The following MYH6 variants were observed in gnomAD, a reference collection of about 807,000 sequenced individuals.
The protein encoded by MYH6 is myosin-6.
MYH6 carries 126 observed loss-of-function variants against 223.2 expected under a neutral mutation model. The ratio of observed to expected loss-of-function variants is 0.56; its 90% CI spans 0.49 to 0.65. MYH6 has a LOEUF of 0.65. Among genes scored for constraint, MYH6 ranks in the 30% least tolerant of loss-of-function variants. MYH6 has a pLI of 0.00. For missense variants in MYH6, 2,040 were observed against 2,536.4 expected (o/e 0.80, Z 4.20); for synonymous variants, 978 against 1,010.2 (o/e 0.97, Z 0.61).
At position 23,385,967 on chromosome 14, in the gene MYH6, C is replaced by T; in HGVS notation, c.5124G>A (p.Leu1708=). The T allele has an allele frequency of 1.2e-6, 2 of 1,614,228 alleles. No homozygotes were observed. Among genetic ancestry groups the T allele is most frequent in the Middle Eastern group, 1.6e-4 (1 of 6,062 alleles). The change falls in exon 34 of 39, where the codon CTG becomes CTA. Residue 1708 remains leucine, a synonymous_variant. Transcript: ENST00000405093. ...ERSRKLAEQE[L]IETSERVQLL... is the part of the protein sequence containing the mutation. The stretch of plus-strand genomic sequence containing the variant: ...GCTGCACCCGCTCGCTGGTCTCAAT[C>T]AGCTCCTGCTCCGCCAGCTTCCGGG...
chr14:23,403,537 C>A (rs1171419417), intron 9 of MYH6, 91 bp from the exon 10 acceptor site: 2 of 1,239,932 alleles, frequency 1.6e-6, no homozygotes, highest in Admixed American at 3.4e-5. Flanking sequence ...GCAGGGGGCA[C>A]CCACAGCTTG....
chr14:23,398,104 G>A (rs1317939085), intron 15 of MYH6, among the ~76,000 whole-genome samples: 8 of 151,574 alleles, frequency 5.3e-5, no homozygotes, highest in South Asian at 2.1e-4. Flanking sequence ...TGCAACCTCC[G>A]TCGCCCGGAT....
At chr14:23,395,017 A>G (rs1158218421) in intron 20 of MYH6, among the ~76,000 whole-genome samples, 3 of 152,198 alleles carry the variant, frequency 2.0e-5, no homozygotes, top group Admixed American at 6.5e-5. Context: ...GGTGCCTGCC[A>G]CCATGCCCAG....
intron 14 of MYH6, 109 bp downstream of exon 14, chr14:23,400,147 A>C: frequency 6.6e-7 from 1 of 1,523,054 alleles, no homozygotes; most frequent in Non-Finnish European, 9.1e-7. Flanking sequence ...GGCCTGGAGA[A>C]AGGCCTGGGA....
In MYH6 at chr14:23,390,281, C is replaced by T. The variant is rs727503236; in HGVS notation, c.3508G>A (p.Glu1170Lys). ...CGCCGCATCTTCTGGAACTCGGCCTCGCGCTTCTTGTTCATCTCGATCTGC... is the reference window on the plus strand; with the variant it reads ...CGCCGCATCTTCTGGAACTCGGCCTTGCGCTTCTTGTTCATCTCGATCTGC... ...SVQIEMNKKR[E>K]AEFQKMRRDL... The change falls in exon 26 of 39, where the codon GAG becomes AAG. Residue 1170 changes from glutamate (E) to lysine (K), a missense_variant. Transcript: ENST00000405093. The T allele has an allele frequency of 7.2e-5, 115 of 1,596,864 alleles. No individual in the cohort carries two copies. The highest frequency in any genetic ancestry group is 2.3e-5 in the East Asian group (1 of 44,268).
chr14:23,389,982 C>T (rs1891180558), intron 26 of MYH6, 75 bp downstream of exon 26: 5 of 1,612,036 alleles, frequency 3.1e-6, no homozygotes, highest in East Asian at 2.2e-5. Flanking sequence ...AGGGAGATGG[C>T]AGACAGAGAG....
chr14:23,385,142 TAA>T (rs58671554), intron 34 of MYH6, 101 bp from the exon 35 acceptor site: 2 of 1,405,176 alleles, frequency 1.4e-6, no homozygotes, highest in Non-Finnish European at 2.0e-6. Context: ...ATTTTTTTTT[TAA>T]AACAACAAGC....
Position 23,386,113 on chromosome 14 carries a change from C to T in MYH6, c.4978G>A (p.Asp1660Asn). Residue 1660 changes from aspartate (D) to asparagine (N), a missense_variant, in exon 34 of 39, where the codon GAC becomes AAC. Physicochemically the swap from Asp to Asn is conservative, Grantham distance 23 (BLOSUM62 1). Around this residue, in one of 4 missense-constraint regions of MYH6, gnomAD observed 1,203 missense variants for 1,400.2 expected, o/e 0.86. Transcript: ENST00000405093. ...SLLKDTQIQLDDAVRANDDLK... is the reference protein window; with the variant it reads ...SLLKDTQIQLNDAVRANDDLK... ...TCGTCGTTGGCACGGACCGCATCGTCCAGCTGGATCTGGGTGTCCTGAGCA... is the reference window on the plus strand; with the variant it reads ...TCGTCGTTGGCACGGACCGCATCGTTCAGCTGGATCTGGGTGTCCTGAGCA... The T allele has an allele frequency of 2.5e-6, 4 of 1,614,204 alleles. No individual in the cohort carries two copies. Among genetic ancestry groups the T allele is most frequent in the Non-Finnish European group, 8.5e-7 (1 of 1,180,036 alleles).
chr14:23,403,705 T>C lies in MYH6; in HGVS notation c.799+10A>G, dbSNP rs774371819. On this transcript the variant is annotated intron_variant, in intron 9 of 38. Coordinates refer to ENST00000405093, the MANE Select transcript of MYH6 (RefSeq NM_002471.4). ...ACCTAGAGGGTGGCAGCCTCCCTGC[T>C]GGTACTCACAGGTCTCTATGTCTGC... 1.2e-6 allele frequency: 2 copies of C among 1,611,282 alleles called. No individual in the cohort carries two copies. Among genetic ancestry groups the C allele is most frequent in the African/African-American group, 2.7e-5 (2 of 74,868 alleles).
chr14:23,401,610 G>A (rs991063414), intron 12 of MYH6, among the ~76,000 whole-genome samples: 24 of 152,162 alleles, frequency 1.6e-4, no homozygotes, highest in African/African-American at 5.8e-4. Flanking sequence ...CATATCCCTC[G>A]CCTCTCCAGG....
Position 23,407,219 on chromosome 14 carries a change from G to C in MYH6, c.5C>G (p.Thr2Ser). 1 of 1,614,232 alleles carries C rather than the reference G, an allele frequency of 6.2e-7. No homozygotes were observed. Among genetic ancestry groups the C allele is most frequent in the Non-Finnish European group, 8.5e-7 (1 of 1,180,048 alleles). The change falls in exon 3 of 39, where the codon ACC becomes AGC. Residue 2 changes from threonine to serine, a missense_variant. Physicochemically the swap from Thr to Ser is moderately conservative, Grantham distance 58. Around this residue, in one of 4 missense-constraint regions of MYH6, gnomAD observed 184 missense variants for 232.4 expected, o/e 0.79. Coordinates refer to ENST00000405093, the MANE Select transcript of MYH6 (RefSeq NM_002471.4). The surrounding 1 kb of genome is among the most constrained non-coding windows in gnomAD (Gnocchi z 5.6). Reference sequence around the variant, plus strand: ...CCCAAAGTCAGCCATCTGGGCATCGGTCATCTTGGTGCTTCCCCTGGGTCA... The same window carrying C: ...CCCAAAGTCAGCCATCTGGGCATCGCTCATCTTGGTGCTTCCCCTGGGTCA... M[T>S]DAQMADFGAA...
At position 23,396,421 on chromosome 14, in the gene MYH6, CTG is replaced by C. The variant is rs778844915; in HGVS notation, c.2293-3_2293-2del. The C allele has an allele frequency of 6.2e-7, 1 of 1,613,736 alleles. No homozygotes were observed. The highest frequency in any genetic ancestry group is 1.1e-5 in the South Asian group (1 of 91,090). On this transcript the variant is annotated splice_acceptor_variant and splice_polypyrimidine_tract_variant and intron_variant, in intron 19 of 38. Coordinates refer to ENST00000405093, the MANE Select transcript of MYH6 (RefSeq NM_002471.4). LOFTEE classifies it high-confidence loss of function. ...CAAGCAGCCCTGCCTTGAAGAACAC[CTG>C]CAGGCAAGGGGTAGATGCAACAGGC...
rs1891700935 is a variant in MYH6, at chr14:23,404,163, C to G, written c.735+133G>C. 5 of 1,146,868 alleles carry G rather than the reference C, an allele frequency of 4.4e-6. No individual in the cohort carries two copies. In the South Asian group the frequency reaches 4.9e-5, roughly 11 times the overall value. The allele number at this position is 1,146,868 out of a possible 1,614,324, so 71.0% of individuals were successfully genotyped here. On this transcript the variant is annotated intron_variant, in intron 8 of 38. Coordinates refer to ENST00000405093, the MANE Select transcript of MYH6 (RefSeq NM_002471.4). ...GACCTTTGGCTCCAAAGCCTATGCT[C>G]TCTTCCCACCAACGTGTGCATGTTG...
At chr14:23,406,961 C>T (rs1306281798) in intron 3 of MYH6, 62 bp downstream of exon 3, 2 of 1,568,672 alleles carry the variant, frequency 1.3e-6, no homozygotes, top group African/African-American at 2.7e-5. Flanking sequence ...CAAGTGGCTC[C>T]ACCTCTGCAT....
intron 34 of MYH6, 109 bp from the exon 35 acceptor site, chr14:23,385,150 C>G (rs1890983378): frequency 4.4e-6 from 6 of 1,363,350 alleles, no homozygotes; most frequent in Non-Finnish European, 6.2e-6. Context: ...TTTAAAACAA[C>G]AAGCCCACTT....
At chr14:23,406,325 T>A (rs759336937) in intron 3 of MYH6, among the ~76,000 whole-genome samples, 1 of 152,214 alleles carries the variant, frequency 6.6e-6, no homozygotes, top group East Asian at 1.9e-4. Flanking sequence ...GTGTTTTTTA[T>A]AGTGGAGAAA....
rs377698958 is a variant in MYH6, at chr14:23,386,090, G to A, written c.5001C>T (p.Asp1667=). 3.6e-5 allele frequency: 58 copies of A among 1,614,112 alleles called. No homozygotes were observed. Among genetic ancestry groups the A allele is most frequent in the East Asian group, 1.8e-4 (8 of 44,896 alleles). The change falls in exon 34 of 39, where the codon GAC becomes GAT. Residue 1667 remains aspartate (D), a synonymous_variant. Transcript: ENST00000405093. ...IQLDDAVRAN[D]DLKENIAIVE... ...CGATGGCGATGTTCTCCTTCAGGTC[G>A]TCGTTGGCACGGACCGCATCGTCCA... is the stretch of plus-strand genomic sequence containing the variant.
At position 23,393,383 on chromosome 14, in the gene MYH6, G is replaced by A; in HGVS notation, c.3064C>T (p.Leu1022=). The change falls in exon 23 of 39, where the codon CTG becomes TTG. Residue 1022 remains leucine, a synonymous_variant. Transcript: ENST00000405093. ...LQVEEDKVNS[L]SKSKVKLEQQ... is the part of the protein sequence containing the mutation. The stretch of plus-strand genomic sequence containing the variant: ...TCCAGCTTGACCTTAGACTTGGACA[G>A]GCTGTTGACCTTGTCTTCCTCAACC... The A allele has an allele frequency of 1.4e-5, 22 of 1,614,202 alleles. No homozygotes were observed. The highest frequency in any genetic ancestry group is 1.9e-5 in the Non-Finnish European group (22 of 1,180,040).
chr14:23,393,298 C>G, intron 23 of MYH6, 44 bp downstream of exon 23: 1 of 1,613,414 alleles, frequency 6.2e-7, no homozygotes, highest in Non-Finnish European at 8.5e-7. Flanking sequence ...GTGTTGCCTG[C>G]AAAATCTTGC....
Sources: gnomAD v4.1 joint callset for allele counts (sites outside exome capture counted in the v4.1 genomes callset) on GRCh38, gnomAD v4.1.1 for gene constraint, gnomAD v4.1.1 regional missense constraint, Gnocchi (gnomAD v3.1) non-coding constraint, MANE v1.5 for transcripts, NCBI Gene and HGNC (gene_info 2026-07-23, HGNC 2026-07-21) for gene names.